Variants in ARFIP1 observed in about 807,000 individuals in gnomAD.
ARFIP1 encodes arfaptin-1.
ARFIP1 carries 24 observed loss-of-function variants against 42.5 expected under a neutral mutation model. The observed-to-expected ratio is 0.57, with a 90% CI of 0.41 to 0.80. The LOEUF (loss-of-function observed/expected upper bound fraction) is 0.80, where lower values mean the gene tolerates loss of function less well. Among genes scored for constraint, ARFIP1 ranks in the 30% least tolerant of loss-of-function variants. The pLI is 0.00. For synonymous variants in ARFIP1, 141 were observed against 153.7 expected (o/e 0.92, Z 0.61); for missense variants, 354 against 434.0 (o/e 0.82, Z 1.64).
chr4:152,806,800 CTT>C (rs33959288), intron 1 of ARFIP1, among the ~76,000 whole-genome samples: 122,985 of 149,354 alleles, frequency 0.82, 50,733 homozygotes, highest in Non-Finnish European at 0.85. Context: ...TTGTGCCTGA[CTT>C]TTTTTTTTTT....
intron 7 of ARFIP1, among the ~76,000 whole-genome samples, chr4:152,884,551 C>T (rs1191111787): frequency 6.6e-6 from 1 of 151,714 alleles, no homozygotes; most frequent in East Asian, 1.9e-4. Context: ...CCAAAAATAC[C>T]CCCACCACCT....
intron 1 of ARFIP1, among the ~76,000 whole-genome samples, chr4:152,826,825 C>T (rs1176325870): frequency 1.3e-5 from 2 of 152,116 alleles, no homozygotes; most frequent in African/African-American, 4.8e-5. Context: ...GTGGTATATA[C>T]ATACAAGAAA....
At chr4:152,872,083 G>A (rs893625057) in intron 4 of ARFIP1, among the ~76,000 whole-genome samples, 3 of 152,030 alleles carry the variant, frequency 2.0e-5, no homozygotes, top group African/African-American at 4.8e-5. Context: ...GATTTTTATC[G>A]ACCAAGATAC....
intron 1 of ARFIP1, among the ~76,000 whole-genome samples, chr4:152,791,331 A>C (rs1248199754): frequency 6.6e-6 from 1 of 152,194 alleles, no homozygotes; most frequent in Non-Finnish European, 1.5e-5. Flanking sequence ...AAACAAAATC[A>C]TTTTAAATTG....
At position 152,784,622 on chromosome 4, in the gene ARFIP1, T is replaced by C. The variant is rs6853397; in HGVS notation, c.-10+4396T>C. Reference sequence around the variant, plus strand: ...CTTCTAGTATGACTGTCGGTTCAGATTGAGACATACAAAAATGAAGTTCTT... The same window carrying C: ...CTTCTAGTATGACTGTCGGTTCAGACTGAGACATACAAAAATGAAGTTCTT... On this transcript the variant is annotated intron_variant, in intron 1 of 8. Transcript: ENST00000353617. 4.3e-3 allele frequency among the ~76,000 whole-genome samples: 652 copies of C among 152,370 alleles called. 4 individuals carry two copies. The highest frequency in any genetic ancestry group is 0.015 in the African/African-American group (610 of 41,584).
At chr4:152,901,164 T>C (rs1737801690) in intron 8 of ARFIP1, among the ~76,000 whole-genome samples, 1 of 152,258 alleles carries the variant, frequency 6.6e-6, no homozygotes, top group South Asian at 2.1e-4. Context: ...AATCTAAATT[T>C]TATTTGAAAA....
At chr4:152,781,747 A>T (rs1478189076) in intron 1 of ARFIP1, among the ~76,000 whole-genome samples, 1 of 152,230 alleles carries the variant, frequency 6.6e-6, no homozygotes, top group Non-Finnish European at 1.5e-5. Context: ...TTGTGGATTA[A>T]ATCCCTGCCT....
At chr4:152,854,447 CT>C (rs1179723733) in intron 2 of ARFIP1, among the ~76,000 whole-genome samples, 1 of 151,962 alleles carries the variant, frequency 6.6e-6, no homozygotes, top group Admixed American at 6.6e-5. Context: ...AGTTTGAATT[CT>C]TTTTCCAAGG....
intron 2 of ARFIP1, among the ~76,000 whole-genome samples, chr4:152,862,808 G>A (rs1733996336): frequency 6.6e-6 from 1 of 152,118 alleles, no homozygotes. Flanking sequence ...CATAATTGTT[G>A]CATCACTTGA....
chr4:152,839,343 T>C (rs778361648), intron 2 of ARFIP1, among the ~76,000 whole-genome samples: 2 of 152,184 alleles, frequency 1.3e-5, no homozygotes, highest in East Asian at 3.9e-4. Flanking sequence ...TGGAATAGTG[T>C]CAAAAGGATT....
intron 8 of ARFIP1, among the ~76,000 whole-genome samples, chr4:152,906,097 T>A (rs767166277): frequency 3.3e-5 from 5 of 152,236 alleles, no homozygotes; most frequent in Non-Finnish European, 7.3e-5. Context: ...GCTTTAGCCC[T>A]GACACTTGGG....
chr4:152,810,544 C>T (rs1222268178), intron 1 of ARFIP1, among the ~76,000 whole-genome samples: 2 of 151,838 alleles, frequency 1.3e-5, no homozygotes, highest in East Asian at 1.9e-4. Context: ...CATGGTGGCT[C>T]ACGCCTGTAA....
chr4:152,851,990 G>T (rs536148712), intron 2 of ARFIP1, among the ~76,000 whole-genome samples: 1 of 152,156 alleles, frequency 6.6e-6, no homozygotes. Context: ...GTACAAAAAT[G>T]TATTTGGAGC....
At chr4:152,886,238 C>T (rs1329131974) in intron 7 of ARFIP1, among the ~76,000 whole-genome samples, 2 of 151,972 alleles carry the variant, frequency 1.3e-5, no homozygotes, top group Non-Finnish European at 2.9e-5. Context: ...ACACTACCAC[C>T]AGGGTCATCT....
chr4:152,840,964 C>A (rs1015842590), intron 2 of ARFIP1, among the ~76,000 whole-genome samples: 4 of 151,838 alleles, frequency 2.6e-5, no homozygotes, highest in African/African-American at 9.7e-5. Context: ...AGGTGATCCA[C>A]CCGCCTCGAC....
intron 1 of ARFIP1, among the ~76,000 whole-genome samples, chr4:152,784,645 C>T (rs1358638990): frequency 6.6e-6 from 1 of 152,198 alleles, no homozygotes; most frequent in African/African-American, 2.4e-5. Context: ...AAATGAAGTT[C>T]TTGCCTGGCT....
chr4:152,811,103 T>C (rs948477864), intron 1 of ARFIP1, among the ~76,000 whole-genome samples: 13 of 150,948 alleles, frequency 8.6e-5, no homozygotes, highest in African/African-American at 2.9e-4. Context: ...TTTTTTTTTT[T>C]TTTTTTTTTC....
intron 1 of ARFIP1, among the ~76,000 whole-genome samples, chr4:152,813,713 G>GT (rs553511800): frequency 6.6e-6 from 1 of 151,744 alleles, no homozygotes; most frequent in South Asian, 2.1e-4. Context: ...CCTTTCCCCT[G>GT]TTTTTTGATA....
intron 5 of ARFIP1, among the ~76,000 whole-genome samples, chr4:152,874,997 A>C (rs573818635): frequency 1.3e-5 from 2 of 152,058 alleles, no homozygotes; most frequent in Non-Finnish European, 1.5e-5. Flanking sequence ...GATTCTGGCT[A>C]TGTCTTTGGT....
Sources: gnomAD v4.1 joint callset for allele counts (sites outside exome capture counted in the v4.1 genomes callset) on GRCh38, gnomAD v4.1.1 for gene constraint, MANE v1.5 for transcripts, NCBI Gene and HGNC (gene_info 2026-07-23, HGNC 2026-07-21) for gene names.